Variants in ENOX2 observed in about 807,000 individuals in gnomAD.
ENOX2 encodes APK1 antigen.
In ENOX2, 36 loss-of-function variants were observed where a neutral mutation model predicts 45.0. The observed-to-expected ratio is 0.80, with a 90% CI of 0.61 to 1.06. The LOEUF (loss-of-function observed/expected upper bound fraction) is 1.06, where lower values mean the gene tolerates loss of function less well. Among genes scored for constraint, ENOX2 ranks in the 50% least tolerant of loss-of-function variants. The pLI, the probability that ENOX2 is intolerant of heterozygous loss-of-function variation, is 0.00. For missense variants in ENOX2, 423 were observed against 462.5 expected, an observed-to-expected ratio of 0.91 and a Z score of 0.78; for synonymous variants, 174 against 152.3, an observed-to-expected ratio of 1.14 and a Z score of -1.05.
intron 3 of ENOX2, among the ~76,000 whole-genome samples, chrX:130,757,779 GC>G (rs1353004768): frequency 1.8e-5 from 2 of 109,861 alleles, no homozygotes; most frequent in African/African-American, 6.6e-5. Context: ...GGTTGCCCAA[GC>G]TGGATTGCAG....
intron 8 of ENOX2, among the ~76,000 whole-genome samples, chrX:130,666,001 T>A (rs963719870): frequency 9.0e-6 from 1 of 110,837 alleles, no homozygotes; most frequent in African/African-American, 3.3e-5. Context: ...TGGGGTAAAA[T>A]GGTAACAACT....
intron 2 of ENOX2, among the ~76,000 whole-genome samples, chrX:130,809,133 T>G (rs1268772027): frequency 8.9e-6 from 1 of 112,319 alleles, no homozygotes; most frequent in East Asian, 2.8e-4. Context: ...ATGAGAGTTT[T>G]ATTAAGTTTA....
At chrX:130,797,852 C>G (rs763170095) in intron 2 of ENOX2, among the ~76,000 whole-genome samples, 1 of 111,093 alleles carries the variant, frequency 9.0e-6, no homozygotes, top group Non-Finnish European at 1.9e-5. Context: ...CTCCCATGTT[C>G]TGTGTGTGTG....
rs2035451834 is a variant in ENOX2 at position 130,622,378 on chromosome X, G to C, written c.*2936C>G. Among the ~76,000 whole-genome samples the C allele has an allele frequency of 9.0e-6, 1 of 111,140 alleles. No homozygotes were observed. The highest frequency in any genetic ancestry group is 3.3e-5 in the African/African-American group (1 of 30,538). The stretch of plus-strand genomic sequence containing the variant: ...GCCTTATATGAAAAGCATACATTTT[G>C]GGGCCAAAATTAAAAAAAAACTCTA... On this transcript the variant is annotated 3_prime_UTR_variant, in exon 15 of 15. Transcript: ENST00000394363.
Position 130,796,355 on chromosome X carries a change from GCA to G in ENOX2, c.-182-12667_-182-12666del, listed in dbSNP as rs977478491. Among the ~76,000 whole-genome samples, 15 of 111,457 alleles carry G rather than the reference GCA, an allele frequency of 1.3e-4. No homozygotes were observed. In the Admixed American group the frequency reaches 1.4e-3, roughly 11 times the overall value. ...TTTGTGGGTTTCAGTATGAGAAAAA[GCA>G]CAGTCCAATAGAAGCATATCCATAA... On this transcript the variant is annotated intron_variant, in intron 2 of 14. Coordinates refer to ENST00000394363, the MANE Select transcript of ENOX2 (RefSeq NM_006375.4).
Position 130,689,441 on chromosome X carries a change from G to T in ENOX2, c.98-423C>A, listed in dbSNP as rs138051080. Among the ~76,000 whole-genome samples, 617 of 111,997 alleles carry T rather than the reference G, an allele frequency of 5.5e-3. 13 individuals are homozygous for T. The highest frequency in any genetic ancestry group is 0.019 in the African/African-American group (593 of 30,824). ...GGGATCAAGCAGACCTGGGTTTTAG[G>T]TCTACCATTTGCTTAGCAGGATGAA... On this transcript the variant is annotated intron_variant, in intron 4 of 14. Transcript: ENST00000394363.
At chrX:130,840,780 T>C (rs2078003121) in intron 2 of ENOX2, among the ~76,000 whole-genome samples, 1 of 110,546 alleles carries the variant, frequency 9.0e-6, no homozygotes, top group Admixed American at 9.6e-5. Context: ...GGTAGAAGGA[T>C]TGCTTGAGCC....
chrX:130,730,024 T>C (rs1022757134), intron 3 of ENOX2, among the ~76,000 whole-genome samples: 2 of 111,975 alleles, frequency 1.8e-5, no homozygotes, highest in Admixed American at 9.4e-5. Context: ...AACCAGTCAA[T>C]TAAAGTTTCA....
At chrX:130,672,326 C>T (rs764170569) in intron 6 of ENOX2, among the ~76,000 whole-genome samples, 1 of 112,353 alleles carries the variant, frequency 8.9e-6, no homozygotes, top group African/African-American at 3.2e-5. Flanking sequence ...CCCTCCCTAT[C>T]GCAGCCACCA....
chrX:130,865,270 C>T (rs2078477473), intron 2 of ENOX2, among the ~76,000 whole-genome samples: 1 of 111,282 alleles, frequency 9.0e-6, no homozygotes, highest in South Asian at 3.8e-4. Flanking sequence ...AGAGCACAAA[C>T]TAAAGACTAG....
chrX:130,869,421 T>G (rs1239872409), intron 2 of ENOX2, among the ~76,000 whole-genome samples: 2 of 111,492 alleles, frequency 1.8e-5, no homozygotes, highest in Non-Finnish European at 3.8e-5. Flanking sequence ...CCCAACTTAT[T>G]ACATCAACTT....
At chrX:130,648,981 G>GT (rs1345154266) in intron 10 of ENOX2, among the ~76,000 whole-genome samples, 1 of 96,698 alleles carries the variant, frequency 1.0e-5, no homozygotes, top group Non-Finnish European at 2.0e-5. Context: ...GGAGTCAGAG[G>GT]TTGCAGTGAG....
At chrX:130,831,070 G>A (rs1337654699) in intron 2 of ENOX2, among the ~76,000 whole-genome samples, 1 of 111,389 alleles carries the variant, frequency 9.0e-6, no homozygotes, top group Non-Finnish European at 1.9e-5. Context: ...ACAAAACAGA[G>A]GGAATGGGGG....
chrX:130,849,894 AGC>A (rs2078177551), intron 2 of ENOX2, among the ~76,000 whole-genome samples: 1 of 111,430 alleles, frequency 9.0e-6, no homozygotes, highest in African/African-American at 3.3e-5. Context: ...TTATGCTTGA[AGC>A]ACAGGGAAGG....
chrX:130,860,211 C>A (rs1444441890), intron 2 of ENOX2, among the ~76,000 whole-genome samples: 1 of 111,883 alleles, frequency 8.9e-6, no homozygotes, highest in East Asian at 2.8e-4. Flanking sequence ...CCCGCCTTGG[C>A]CTCCCAAAAT....
chrX:130,788,078 A>T (rs1036951796), intron 2 of ENOX2, among the ~76,000 whole-genome samples: 1 of 112,120 alleles, frequency 8.9e-6, no homozygotes, highest in Non-Finnish European at 1.9e-5. Context: ...GTAAATCAAT[A>T]GGTATTTAAA....
rs755315386 is a variant in ENOX2, at chrX:130,623,648, C to A, written c.*1666G>T. On this transcript the variant is annotated 3_prime_UTR_variant, in exon 15 of 15. Transcript: ENST00000394363. ...CCGAGACTGATGAATCAAAGCCTTC[C>A]GTAGCATTGATGAGAGATGCATCAG... 9.0e-6 allele frequency: 1 copy of A among 111,728 alleles called. No homozygotes were observed. The highest frequency in any genetic ancestry group is 9.5e-5 in the Admixed American group (1 of 10,520). The allele number at this position is 111,728 out of a possible 1,213,427, so 9.2% of individuals were successfully genotyped here.
chrX:130,769,153 C>T (rs2039682651), intron 3 of ENOX2, among the ~76,000 whole-genome samples: 1 of 111,260 alleles, frequency 9.0e-6, no homozygotes, highest in Admixed American at 9.5e-5. Context: ...CCATGTTCAG[C>T]CTGCAACAGG....
intron 3 of ENOX2, among the ~76,000 whole-genome samples, chrX:130,745,820 T>C (rs929821394): frequency 8.9e-6 from 1 of 112,154 alleles, no homozygotes; most frequent in African/African-American, 3.2e-5. Flanking sequence ...TACTGCTGTA[T>C]AGATAGTCGT....
Sources: gnomAD v4.1 joint callset for allele counts (sites outside exome capture counted in the v4.1 genomes callset) on GRCh38, gnomAD v4.1.1 for gene constraint, MANE v1.5 for transcripts, NCBI Gene and HGNC (gene_info 2026-07-23, HGNC 2026-07-21) for gene names.